SAMHD1: variants seen among roughly 807,000 people sequenced by gnomAD.
The protein encoded by SAMHD1 is deoxynucleoside triphosphate triphosphohydrolase SAMHD1.
Under a neutral mutation model 79.6 loss-of-function variants are expected in SAMHD1, and 54 were observed. That is an observed-to-expected ratio of 0.68 (90% CI 0.55 to 0.85). The LOEUF is 0.85. SAMHD1 is among the 40% of genes least tolerant of loss of function. The probability of loss-of-function intolerance (pLI) is 0.00; values close to 1 mark genes in which losing one functional copy is unlikely to be tolerated. For missense variants in SAMHD1, 663 were observed against 782.7 expected (o/e 0.85, Z 1.82); for synonymous variants, 260 against 264.1 (o/e 0.98, Z 0.15).
intron 3 of SAMHD1, among the ~76,000 whole-genome samples, chr20:36,937,471 A>G (rs909633271): frequency 2.0e-5 from 3 of 152,228 alleles, no homozygotes; most frequent in Non-Finnish European, 2.9e-5. Context: ...TTTGTGTATC[A>G]TATCTCCCAT....
chr20:36,946,907 C>T, intron 1 of SAMHD1, 103 bp from the exon 2 acceptor site: 2 of 845,220 alleles, frequency 2.4e-6, no homozygotes, highest in South Asian at 2.9e-5. Context: ...AAGTGAGTAC[C>T]CACTGCAGGC....
chr20:36,944,852 C>A (rs1161016014), intron 2 of SAMHD1, among the ~76,000 whole-genome samples: 1 of 152,030 alleles, frequency 6.6e-6, no homozygotes, highest in African/African-American at 2.4e-5. Flanking sequence ...CGAGATCGTG[C>A]CATTGCACTC....
At position 36,951,690 on chromosome 20, in the gene SAMHD1, A is replaced by AC; in HGVS notation, c.-48dup. Reference sequence around the variant, plus strand: ...CAGCAGTCAAGAACCTCGGCGCCGGACCCGCGCGCAGGCGCACTGACAGCA... The same window carrying AC: ...CAGCAGTCAAGAACCTCGGCGCCGGACCCCGCGCGCAGGCGCACTGACAGCA... On this transcript the variant is annotated 5_prime_UTR_variant, in exon 1 of 16. Transcript: ENST00000646673. 1.2e-6 allele frequency: 2 copies of AC among 1,609,390 alleles called. No homozygotes were observed. Among genetic ancestry groups the AC allele is most frequent in the Non-Finnish European group, 1.7e-6 (2 of 1,179,768 alleles).
intron 7 of SAMHD1, chr20:36,917,269 A>G (rs1007263087): frequency 3.8e-6 from 2 of 532,612 alleles, no homozygotes; most frequent in African/African-American, 3.8e-5. Context: ...TTGTTACCAC[A>G]TTTTCTTGTG....
At chr20:36,924,451 A>G (rs1176228245) in intron 6 of SAMHD1, among the ~76,000 whole-genome samples, 1 of 152,182 alleles carries the variant, frequency 6.6e-6, no homozygotes, top group Non-Finnish European at 1.5e-5. Flanking sequence ...AGCATAAATC[A>G]GGAGGAGGAG....
chr20:36,902,567 G>T lies in SAMHD1; in HGVS notation c.1503+1590C>A, dbSNP rs1014270515. Among the ~76,000 whole-genome samples the T allele has an allele frequency of 2.0e-5, 3 of 152,120 alleles. No homozygotes were observed. In the East Asian group the frequency reaches 5.8e-4, roughly 29 times the overall value. On this transcript the variant is annotated intron_variant, in intron 13 of 15. Coordinates refer to ENST00000646673, the MANE Select transcript of SAMHD1 (RefSeq NM_015474.4). The stretch of plus-strand genomic sequence containing the variant: ...TTCGTGACCGGAAATTTATAGATAT[G>T]CCTGTATAGTGATGGTATCCAGGAG...
chr20:36,897,798 G>C (rs1990223795), intron 15 of SAMHD1, 24 bp downstream of exon 15: 2 of 1,614,004 alleles, frequency 1.2e-6, no homozygotes, highest in South Asian at 2.2e-5. Context: ...ATTGTGCAAA[G>C]TTTGTGAGTA....
chr20:36,923,562 A>T (rs1273858831), intron 6 of SAMHD1, among the ~76,000 whole-genome samples: 3 of 152,358 alleles, frequency 2.0e-5, no homozygotes, highest in Admixed American at 6.5e-5. Context: ...CACAGACCAT[A>T]ATAACAACTA....
At chr20:36,897,348 C>T (rs1321976918) in intron 15 of SAMHD1, among the ~76,000 whole-genome samples, 2 of 152,236 alleles carry the variant, frequency 1.3e-5, no homozygotes, top group Non-Finnish European at 2.9e-5. Context: ...ACAACCTTCT[C>T]TACAGGGTTG....
At chr20:36,938,464 C>T (rs1233379103) in intron 3 of SAMHD1, among the ~76,000 whole-genome samples, 1 of 151,598 alleles carries the variant, frequency 6.6e-6, no homozygotes, top group African/African-American at 2.4e-5. Context: ...TGCTTGAACC[C>T]GGGAGGCGGA....
At chr20:36,902,110 C>T (rs528406051) in intron 13 of SAMHD1, among the ~76,000 whole-genome samples, 18 of 152,232 alleles carry the variant, frequency 1.2e-4, no homozygotes, top group African/African-American at 3.9e-4. Context: ...AGGATGAATA[C>T]AGCTGGAGGT....
At position 36,911,305 on chromosome 20, in the gene SAMHD1, C is replaced by T; in HGVS notation, c.1183G>A (p.Asp395Asn). 1.2e-6 allele frequency: 2 copies of T among 1,612,128 alleles called. No individual in the cohort carries two copies. Among genetic ancestry groups the T allele is most frequent in the Non-Finnish European group, 1.7e-6 (2 of 1,179,544 alleles). ...CCAGCACCTGTAATCTCTATGTAGT[C>T]ATCTGCTTTGAGGAAAGCATCTGTA... ...MITDAFLKAD[D>N]YIEITGAGGK... is the part of the protein sequence containing the mutation. Residue 395 changes from aspartate to asparagine, a missense_variant, in exon 11 of 16, where the codon GAC becomes AAC. Transcript: ENST00000646673.
At chr20:36,895,657 C>T (rs890988480) in intron 15 of SAMHD1, among the ~76,000 whole-genome samples, 4 of 152,018 alleles carry the variant, frequency 2.6e-5, no homozygotes, top group African/African-American at 4.8e-5. Context: ...GTAGTTATCA[C>T]GACACAGCCA....
intron 2 of SAMHD1, among the ~76,000 whole-genome samples, chr20:36,942,066 T>A (rs1475954099): frequency 1.3e-5 from 2 of 152,274 alleles, no homozygotes; most frequent in East Asian, 3.9e-4. Context: ...AAACCTAAAC[T>A]AACCCCGTGA....
At chr20:36,923,240 C>T (rs967152319) in intron 6 of SAMHD1, among the ~76,000 whole-genome samples, 2 of 152,036 alleles carry the variant, frequency 1.3e-5, no homozygotes, top group Non-Finnish European at 2.9e-5. Context: ...ACCTTGTGAT[C>T]CGCCCACCTT....
intron 5 of SAMHD1, 82 bp from the exon 6 acceptor site, chr20:36,927,334 TGAG>T: frequency 1.0e-6 from 1 of 968,060 alleles, no homozygotes; most frequent in Non-Finnish European, 1.5e-6. Context: ...TTTTTTTTTT[TGAG>T]ACGGAGTTTC....
intron 3 of SAMHD1, among the ~76,000 whole-genome samples, chr20:36,939,111 G>T (rs1470144164): frequency 9.4e-6 from 1 of 106,210 alleles, no homozygotes; most frequent in Middle Eastern, 5.9e-3. Flanking sequence ...AAAATTAACT[G>T]GGCGTGGTGG....
intron 3 of SAMHD1, chr20:36,940,167 AC>A (rs538054668): frequency 6.6e-6 from 1 of 150,970 alleles, no homozygotes; most frequent in Non-Finnish European, 1.5e-5. Context: ...AGATAGTGCC[AC>A]TGAGCCCCAA....
At chr20:36,945,979 A>C (rs1164744826) in intron 2 of SAMHD1, among the ~76,000 whole-genome samples, 2 of 152,012 alleles carry the variant, frequency 1.3e-5, no homozygotes, top group Non-Finnish European at 2.9e-5. Context: ...TAGGATTTGT[A>C]CAGCGAAAAC....
Sources: gnomAD v4.1 joint callset for allele counts (sites outside exome capture counted in the v4.1 genomes callset) on GRCh38, gnomAD v4.1.1 for gene constraint, MANE v1.5 for transcripts, NCBI Gene and HGNC (gene_info 2026-07-23, HGNC 2026-07-21) for gene names.